Variants in TNIK observed in about 807,000 individuals in gnomAD.
TNIK encodes the protein TRAF2 and NCK-interacting protein kinase.
A neutral mutation model predicts 191.3 loss-of-function variants in TNIK; 49 were observed. The ratio of observed to expected loss-of-function variants is 0.26; its 90% CI spans 0.20 to 0.32. The LOEUF is 0.32. Among genes scored for constraint, TNIK ranks in the 10% least tolerant of loss-of-function variants. The probability of loss-of-function intolerance (pLI) is 1.00; values close to 1 mark genes in which losing one functional copy is unlikely to be tolerated. For missense variants in TNIK, 1,155 were observed against 1,702.3 expected (o/e 0.68, Z 5.66); for synonymous variants, 594 against 600.9 (o/e 0.99, Z 0.17).
chr3:171,399,290 A>G (rs1245256474), intron 1 of TNIK, among the ~76,000 whole-genome samples: 2 of 152,178 alleles, frequency 1.3e-5, no homozygotes, highest in African/African-American at 4.8e-5. Context: ...CATGCAGTCT[A>G]AAAGAGCTCA....
At chr3:171,199,205 TAA>T (rs529123625) in intron 4 of TNIK, among the ~76,000 whole-genome samples, 3 of 141,442 alleles carry the variant, frequency 2.1e-5, no homozygotes, top group Non-Finnish European at 3.1e-5. Context: ...TAATGGGATT[TAA>T]AAAAAAAAAA....
At chr3:171,189,816 T>A (rs1357855059) in intron 6 of TNIK, among the ~76,000 whole-genome samples, 2 of 152,198 alleles carry the variant, frequency 1.3e-5, no homozygotes, top group African/African-American at 4.8e-5. Flanking sequence ...GATACATATA[T>A]AACTGCTTAG....
chr3:171,331,706 G>A (rs898200605), intron 2 of TNIK, among the ~76,000 whole-genome samples: 3 of 152,124 alleles, frequency 2.0e-5, no homozygotes, highest in Non-Finnish European at 4.4e-5. Flanking sequence ...GTTTTCTAAC[G>A]CTCCAGTGTT....
At chr3:171,300,563 T>A (rs1752772277) in intron 2 of TNIK, among the ~76,000 whole-genome samples, 1 of 152,170 alleles carries the variant, frequency 6.6e-6, no homozygotes. Context: ...GTGCTTTCAA[T>A]ATAAATGATG....
At chr3:171,382,783 G>A (rs973449073) in intron 1 of TNIK, among the ~76,000 whole-genome samples, 15 of 152,306 alleles carry the variant, frequency 9.8e-5, no homozygotes, top group Non-Finnish European at 1.5e-4. Flanking sequence ...CTCTAGGCAT[G>A]TGGCATGGTC....
intron 1 of TNIK, among the ~76,000 whole-genome samples, chr3:171,444,355 A>G (rs1445478691): frequency 6.6e-6 from 1 of 152,204 alleles, no homozygotes; most frequent in Non-Finnish European, 1.5e-5. Flanking sequence ...GGTCTCAAAA[A>G]ATAAATAACT....
At chr3:171,331,140 G>A (rs901225368) in intron 2 of TNIK, among the ~76,000 whole-genome samples, 3 of 152,180 alleles carry the variant, frequency 2.0e-5, no homozygotes, top group Admixed American at 2.0e-4. Context: ...ACTGGGGGTG[G>A]TTAATGAGTT....
At chr3:171,099,376 T>TG (rs1723146416) in intron 22 of TNIK, among the ~76,000 whole-genome samples, 1 of 38,536 alleles carries the variant, frequency 2.6e-5, no homozygotes, top group South Asian at 9.0e-4. Context: ...TACCTCAGGA[T>TG]TTTTTTTTTT....
intron 4 of TNIK, among the ~76,000 whole-genome samples, chr3:171,200,579 G>T (rs954767884): frequency 6.6e-6 from 1 of 152,116 alleles, no homozygotes; most frequent in African/African-American, 2.4e-5. Context: ...CCCTCTCCAG[G>T]ACAATATTTA....
rs188145828 is a variant in TNIK, at chr3:171,151,132, G to A, written c.1221+6328C>T. 1.5e-3 allele frequency among the ~76,000 whole-genome samples: 228 copies of A among 152,320 alleles called. 1 individual carries two copies. Among genetic ancestry groups the A allele is most frequent in the Admixed American group, 0.011 (176 of 15,308 alleles). On this transcript the variant is annotated intron_variant, in intron 12 of 32. Transcript: ENST00000436636. The stretch of plus-strand genomic sequence containing the variant: ...ATTATTTTACCAAATGTGCATGTAA[G>A]GAAGCTGAGGTTCAGAGAGGTTAAG...
chr3:171,104,056 G>C (rs555041680), intron 21 of TNIK, among the ~76,000 whole-genome samples: 2 of 149,742 alleles, frequency 1.3e-5, no homozygotes, highest in African/African-American at 5.1e-5. Context: ...TGAAACATTA[G>C]AAATAACAAT....
chr3:171,413,562 C>A (rs1722668924), intron 1 of TNIK, among the ~76,000 whole-genome samples: 1 of 152,166 alleles, frequency 6.6e-6, no homozygotes, highest in Admixed American at 6.5e-5. Context: ...CTGTTAAGAC[C>A]CTGCTAAAGG....
At chr3:171,249,907 T>C (rs1746042423) in intron 2 of TNIK, among the ~76,000 whole-genome samples, 1 of 152,202 alleles carries the variant, frequency 6.6e-6, no homozygotes, top group Non-Finnish European at 1.5e-5. Flanking sequence ...TTTTACTGTA[T>C]ATCAACTTGT....
intron 2 of TNIK, among the ~76,000 whole-genome samples, chr3:171,251,438 G>T (rs1234654848): frequency 6.6e-6 from 1 of 152,122 alleles, no homozygotes; most frequent in Non-Finnish European, 1.5e-5. Context: ...TAAGAAACAG[G>T]TACTGCCATA....
At chr3:171,383,879 G>A (rs1718391022) in intron 1 of TNIK, among the ~76,000 whole-genome samples, 1 of 152,124 alleles carries the variant, frequency 6.6e-6, no homozygotes, top group South Asian at 2.1e-4. Flanking sequence ...CACCTACAAT[G>A]TGCTATCACA....
intron 27 of TNIK, among the ~76,000 whole-genome samples, chr3:171,080,396 T>C (rs1043668337): frequency 6.6e-6 from 1 of 152,164 alleles, no homozygotes; most frequent in African/African-American, 2.4e-5. Flanking sequence ...GGATACTTAT[T>C]TTTCTTTATC....
At chr3:171,136,611 T>C (rs542630462) in intron 15 of TNIK, among the ~76,000 whole-genome samples, 1 of 152,352 alleles carries the variant, frequency 6.6e-6, no homozygotes, top group South Asian at 2.1e-4. Flanking sequence ...CATTAATTCC[T>C]GCAGGTGCTA....
At chr3:171,278,362 G>A (rs1258747037) in intron 2 of TNIK, among the ~76,000 whole-genome samples, 2 of 152,112 alleles carry the variant, frequency 1.3e-5, no homozygotes, top group African/African-American at 2.4e-5. Context: ...ATTTCTGCTT[G>A]TTTCTCAATG....
intron 10 of TNIK, among the ~76,000 whole-genome samples, chr3:171,163,379 T>C (rs1734244105): frequency 6.6e-6 from 1 of 152,218 alleles, no homozygotes; most frequent in Non-Finnish European, 1.5e-5. Context: ...AATTTAGTTA[T>C]GTTACCACCA....
Sources: allele counts gnomAD v4.1 joint callset (sites outside exome capture counted in the v4.1 genomes callset), GRCh38; gene constraint gnomAD v4.1.1; transcripts MANE v1.5; gene names NCBI Gene and HGNC (gene_info 2026-07-23, HGNC 2026-07-21).